Variants in NPSR1 observed in about 807,000 individuals in gnomAD.
NPSR1 encodes neuropeptide S receptor.
A neutral mutation model predicts 46.9 loss-of-function variants in NPSR1; 48 were observed. That is an observed-to-expected ratio of 1.02 (90% confidence interval 0.81 to 1.30). The LOEUF is 1.30. Among genes scored for constraint, NPSR1 ranks in the 50% most tolerant of loss-of-function variants. NPSR1 has a pLI of 0.00. For synonymous variants in NPSR1, 176 were observed against 168.1 expected, an observed-to-expected ratio of 1.05 and a Z score of -0.36; for missense variants, 450 against 449.5, an observed-to-expected ratio of 1.00 and a Z score of -0.01.
downstream of NPSR1, among the ~76,000 whole-genome samples, chr7:34,854,514 A>AT (rs1464456926): frequency 6.6e-6 from 1 of 152,166 alleles, no homozygotes; most frequent in African/African-American, 2.4e-5. Context: ...TGGTAAGGCT[A>AT]TATTAATAAA....
intron 6 of NPSR1, among the ~76,000 whole-genome samples, chr7:34,837,895 T>C (rs1410512189): frequency 6.6e-6 from 1 of 152,254 alleles, no homozygotes; most frequent in Non-Finnish European, 1.5e-5. Flanking sequence ...ATCTAAAGGC[T>C]GAGTCATGAC....
At chr7:34,821,082 C>A (rs184591746) in intron 4 of NPSR1, among the ~76,000 whole-genome samples, 6 of 149,836 alleles carry the variant, frequency 4.0e-5, no homozygotes, top group East Asian at 2.0e-4. Context: ...GGTTGGGGGG[C>A]CTTATAACTT....
At chr7:34,854,284 T>C (rs770651662), downstream of NPSR1, among the ~76,000 whole-genome samples, 3 of 151,998 alleles carry the variant, frequency 2.0e-5, no homozygotes, top group Non-Finnish European at 4.4e-5. Context: ...AGAAAACACA[T>C]AGGAAGATGG....
In NPSR1 at chr7:34,713,030, A is replaced by G. The variant is rs988619615; in HGVS notation, c.280+28346A>G. Among the ~76,000 whole-genome samples the G allele has an allele frequency of 5.9e-5, 9 of 152,206 alleles. 1 individual carries two copies. Among genetic ancestry groups the G allele is most frequent in the African/African-American group, 2.2e-4 (9 of 41,462 alleles). On this transcript the variant is annotated intron_variant, in intron 2 of 8. Transcript: ENST00000360581. Reference sequence around the variant, plus strand: ...AGATCCATGTGAGCTGCCCAGCTCCATTAGCTGTTGTCTGTTAGAGGTGGA... The same window carrying G: ...AGATCCATGTGAGCTGCCCAGCTCCGTTAGCTGTTGTCTGTTAGAGGTGGA...
chr7:34,750,892 T>C (rs1380833258), intron 2 of NPSR1: 1 of 714,834 alleles, frequency 1.4e-6, no homozygotes, highest in African/African-American at 1.7e-5. Context: ...TGCTTCATAA[T>C]GGTGTGAAAA....
At chr7:34,782,143 C>T (rs2128738714) in intron 3 of NPSR1, among the ~76,000 whole-genome samples, 1 of 152,266 alleles carries the variant, frequency 6.6e-6, no homozygotes, top group East Asian at 1.9e-4. Context: ...TGCACTCATG[C>T]CTCACATACT....
chr7:34,719,390 G>GT (rs1042859610), intron 2 of NPSR1: 2 of 152,172 alleles, frequency 1.3e-5, no homozygotes, highest in Non-Finnish European at 2.9e-5. Context: ...GCTGCAAAGC[G>GT]TTTTTCTCTC....
chr7:34,730,660 G>A (rs1784379295), intron 2 of NPSR1, among the ~76,000 whole-genome samples: 1 of 152,198 alleles, frequency 6.6e-6, no homozygotes, highest in South Asian at 2.1e-4. Flanking sequence ...GTAATATACA[G>A]AAGCCTTCTG....
At chr7:34,798,795 G>A (rs1042637529) in intron 3 of NPSR1, among the ~76,000 whole-genome samples, 2 of 151,940 alleles carry the variant, frequency 1.3e-5, no homozygotes, top group Non-Finnish European at 2.9e-5. Context: ...ACACAGAATA[G>A]AACTAAAAAT....
At chr7:34,751,314 A>G (rs1785511517) in intron 2 of NPSR1, 1 of 1,001,590 alleles carries the variant, frequency 1.0e-6, no homozygotes, top group South Asian at 1.3e-5. Flanking sequence ...AGAAAGTGGT[A>G]CTGATCATGC....
chr7:34,695,831 G>A (rs926481478), intron 2 of NPSR1, among the ~76,000 whole-genome samples: 12 of 151,970 alleles, frequency 7.9e-5, no homozygotes, highest in Non-Finnish European at 1.5e-4. Flanking sequence ...GTGAAGAAAA[G>A]GGTAGACTTA....
chr7:34,798,990 T>A (rs750022945), intron 3 of NPSR1, among the ~76,000 whole-genome samples: 8 of 152,150 alleles, frequency 5.3e-5, no homozygotes, highest in East Asian at 1.9e-4. Flanking sequence ...ACTGAATGGA[T>A]ATATTAGAAA....
chr7:34,777,599 A>G (rs1185054360), intron 2 of NPSR1, among the ~76,000 whole-genome samples: 1 of 151,570 alleles, frequency 6.6e-6, no homozygotes, highest in Non-Finnish European at 1.5e-5. Context: ...TTTTGTGTGT[A>G]GATAGTTGCT....
intron 6 of NPSR1, among the ~76,000 whole-genome samples, chr7:34,838,006 T>A (rs927431923): frequency 6.6e-6 from 1 of 152,158 alleles, no homozygotes; most frequent in African/African-American, 2.4e-5. Context: ...TTCTGCCAAT[T>A]CCATGGGTCT....
rs1220505758 is a variant in NPSR1 at position 34,784,168 on chromosome 7, C to G, written c.384+5603C>G. ...ACTTCCTCTTTTCCTAATTGAATAC[C>G]CTTCATTTCCTTCTCCTGCCTAATG... On this transcript the variant is annotated intron_variant, in intron 3 of 8. Transcript: ENST00000360581. Among the ~76,000 whole-genome samples, 4 of 152,260 alleles carry G rather than the reference C, an allele frequency of 2.6e-5. No homozygotes were observed. The East Asian group carries it at 7.7e-4, about 29-fold the overall frequency.
At chr7:34,792,253 A>T (rs1787914777) in intron 3 of NPSR1, among the ~76,000 whole-genome samples, 1 of 152,022 alleles carries the variant, frequency 6.6e-6, no homozygotes, top group Admixed American at 6.6e-5. Flanking sequence ...TGCAATAAAG[A>T]AAACAATGAA....
At chr7:34,724,035 A>G (rs946753639) in intron 2 of NPSR1, among the ~76,000 whole-genome samples, 4 of 152,216 alleles carry the variant, frequency 2.6e-5, no homozygotes, top group African/African-American at 9.6e-5. Flanking sequence ...CTTTTATTTT[A>G]AATAAATATG....
chr7:34,683,459 A>T (rs975565888), intron 1 of NPSR1, among the ~76,000 whole-genome samples: 66 of 151,752 alleles, frequency 4.3e-4, no homozygotes, highest in African/African-American at 1.3e-3. Flanking sequence ...AAAAAAAAAA[A>T]ATATTTCTTA....
At chr7:34,748,011 G>A (rs147392071) in intron 2 of NPSR1, among the ~76,000 whole-genome samples, 1 of 152,210 alleles carries the variant, frequency 6.6e-6, no homozygotes, top group Non-Finnish European at 1.5e-5. Flanking sequence ...AAGGCTTTTG[G>A]CCAGAGAACA....
Sources: gnomAD v4.1 joint callset for allele counts (sites outside exome capture counted in the v4.1 genomes callset) on GRCh38, gnomAD v4.1.1 for gene constraint, MANE v1.5 for transcripts, NCBI Gene and HGNC (gene_info 2026-07-23, HGNC 2026-07-21) for gene names.